Variants in CSDC2 observed in about 807,000 individuals in gnomAD.
The protein encoded by CSDC2 is cold shock domain containing C2.
A neutral mutation model predicts 15.8 loss-of-function variants in CSDC2; 8 were observed. The observed-to-expected ratio is 0.51, with a 90% CI of 0.30 to 0.92. The LOEUF (loss-of-function observed/expected upper bound fraction) is 0.92, where lower values mean the gene tolerates loss of function less well. Among genes scored for constraint, CSDC2 ranks in the 40% least tolerant of loss-of-function variants. The pLI, the probability that CSDC2 is intolerant of heterozygous loss-of-function variation, is 0.07. For synonymous variants in CSDC2, 96 were observed against 92.3 expected, an observed-to-expected ratio of 1.04 and a Z score of -0.23; for missense variants, 195 against 213.3, an observed-to-expected ratio of 0.91 and a Z score of 0.53.
intron 1 of CSDC2, among the ~76,000 whole-genome samples, chr22:41,561,815 C>T (rs1464064131): frequency 6.6e-6 from 1 of 152,226 alleles, no homozygotes; most frequent in Non-Finnish European, 1.5e-5. Flanking sequence ...TGACCTCCAC[C>T]CTTGCCAGGG....
intron 2 of CSDC2, 53 bp downstream of exon 2, chr22:41,572,194 AC>A: frequency 2.4e-6 from 3 of 1,252,976 alleles, no homozygotes; most frequent in Non-Finnish European, 3.0e-6. Context: ...ACAGGGGCTG[AC>A]CATCCCCATC....
At position 41,575,215 on chromosome 22, in the gene CSDC2, C is replaced by T. The variant is rs1395989209; in HGVS notation, c.*320C>T. On this transcript the variant is annotated 3_prime_UTR_variant, in exon 4 of 4. Coordinates refer to ENST00000306149, the MANE Select transcript of CSDC2 (RefSeq NM_014460.4). ...GCTCGCCCTCCTGCTTACCCGTCCC[C>T]ACGGTGACTGAGCTGCGAGAGCCTG... 5 of 409,990 alleles carry T rather than the reference C, an allele frequency of 1.2e-5. No homozygotes were observed. Among genetic ancestry groups the T allele is most frequent in the South Asian group, 5.7e-5 (2 of 35,082 alleles). The allele number at this position is 409,990 out of a possible 1,614,324, so 25.4% of individuals were successfully genotyped here.
rs982985030 is a variant in CSDC2 at position 41,571,920 on chromosome 22, G to A, written c.-46G>A. ...CGCAAGGACGACCAAACCCCTCACC[G>A]GCCCCTGGGCCCCAGAGCCCACCAG... On this transcript the variant is annotated 5_prime_UTR_variant, in exon 2 of 4. Coordinates refer to ENST00000306149, the MANE Select transcript of CSDC2 (RefSeq NM_014460.4). 1.0e-5 allele frequency: 13 copies of A among 1,255,382 alleles called. No individual in the cohort carries two copies. The highest frequency in any genetic ancestry group is 1.3e-5 in the Non-Finnish European group (13 of 978,066). The allele number at this position is 1,255,382 out of a possible 1,614,324, so 77.8% of individuals were successfully genotyped here. A position where few individuals can be genotyped will look rare whatever the true frequency, so the allele number is the denominator to read the frequency against.
chr22:41,571,178 C>T (rs575018175), intron 1 of CSDC2, among the ~76,000 whole-genome samples: 1 of 151,786 alleles, frequency 6.6e-6, no homozygotes, highest in Non-Finnish European at 1.5e-5. Flanking sequence ...CATGGTGAGA[C>T]CCCATCTCTA....
At chr22:41,568,659 G>A (rs1164373567) in intron 1 of CSDC2, among the ~76,000 whole-genome samples, 1 of 152,226 alleles carries the variant, frequency 6.6e-6, no homozygotes, top group Admixed American at 6.5e-5. Context: ...GGAGAAGCCT[G>A]TTCTCTCTGC....
intron 1 of CSDC2, among the ~76,000 whole-genome samples, chr22:41,562,900 G>A (rs1220450187): frequency 1.3e-5 from 2 of 152,168 alleles, no homozygotes; most frequent in East Asian, 3.9e-4. Context: ...CTGTATGTAT[G>A]TATGACTTTG....
intron 2 of CSDC2, 105 bp downstream of exon 2, chr22:41,572,246 T>C (rs1388930235): frequency 2.0e-6 from 2 of 985,274 alleles, no homozygotes; most frequent in African/African-American, 3.4e-5. Flanking sequence ...ACAGGGGAAC[T>C]GTGTGTGGAC....
At chr22:41,565,343 A>G (rs888943476) in intron 1 of CSDC2, among the ~76,000 whole-genome samples, 2 of 143,398 alleles carry the variant, frequency 1.4e-5, no homozygotes, top group Admixed American at 1.4e-4. Flanking sequence ...CCAGCTACTC[A>G]GGAGGCTAAG....
intron 1 of CSDC2, among the ~76,000 whole-genome samples, chr22:41,563,810 G>T (rs555741180): frequency 4.6e-5 from 7 of 151,952 alleles, no homozygotes; most frequent in Non-Finnish European, 8.8e-5. Context: ...AGTGGCTCAT[G>T]CCTGTAATCC....
At position 41,572,315 on chromosome 22, in the gene CSDC2, C is replaced by CCCATCCATCCATCCATCCATCCAT. The variant is rs768020765; in HGVS notation, c.176+182_176+205dup. Among the ~76,000 whole-genome samples the CCCATCCATCCATCCATCCATCCAT allele has an allele frequency of 1.7e-5, 2 of 120,222 alleles. 1 individual carries two copies. Among genetic ancestry groups the CCCATCCATCCATCCATCCATCCAT allele is most frequent in the Non-Finnish European group, 3.4e-5 (2 of 58,012 alleles). The allele number at this position is 120,222 out of a possible 152,430, so 78.9% of individuals were successfully genotyped here. Reference sequence around the variant, plus strand: ...ATCCATTCATCCATCCACCCATCCACCCATCCATCCATCCATCCATCCATC... The same window carrying CCCATCCATCCATCCATCCATCCAT: ...ATCCATTCATCCATCCACCCATCCACCCATCCATCCATCCATCCATCCATCCATCCATCCATCCATCCATCCATC... On this transcript the variant is annotated intron_variant, in intron 2 of 3. Coordinates refer to ENST00000306149, the MANE Select transcript of CSDC2 (RefSeq NM_014460.4).
intron 1 of CSDC2, among the ~76,000 whole-genome samples, chr22:41,562,259 T>A (rs2067090342): frequency 1.3e-5 from 2 of 152,048 alleles, no homozygotes; most frequent in South Asian, 4.2e-4. Flanking sequence ...TTCCCAAACC[T>A]GACTCCATCC....
intron 1 of CSDC2, among the ~76,000 whole-genome samples, chr22:41,571,447 A>C (rs1337273558): frequency 6.6e-6 from 1 of 151,950 alleles, no homozygotes; most frequent in East Asian, 1.9e-4. Context: ...TGGAGCCCAT[A>C]CTCCCACCTG....
rs1208764810 is a variant in CSDC2, at chr22:41,564,063, G to A, written c.-124+2880G>A. On this transcript the variant is annotated intron_variant, in intron 1 of 3. Transcript: ENST00000306149. ...CGCACCACTGCACTCCAGCCTGGGC[G>A]ACACAGCAAGACTCCATCTCAATTA... 1.1e-4 allele frequency among the ~76,000 whole-genome samples: 16 copies of A among 144,654 alleles called. No individual in the cohort carries two copies. The Admixed American group carries it at 1.1e-3, about 10-fold the overall frequency. The allele number at this position is 144,654 out of a possible 152,430, so 94.9% of individuals were successfully genotyped here.
rs1456651851 is a variant in CSDC2, at chr22:41,561,149, G to T, written c.-158G>T. 1 of 153,330 alleles carries T rather than the reference G, an allele frequency of 6.5e-6. No individual in the cohort carries two copies. The highest frequency in any genetic ancestry group is 2.4e-5 in the African/African-American group (1 of 41,462). 9.5% of individuals were successfully genotyped at this position (153,330 alleles called of 1,614,324 possible). A position where few individuals can be genotyped will look rare whatever the true frequency, so the allele number is the denominator to read the frequency against. Reference sequence around the variant, plus strand: ...AGAGAGACAGAGCGCGGACGCCGCAGGAGGCAGTGCCTGGACCCCAGCTGC... The same window carrying T: ...AGAGAGACAGAGCGCGGACGCCGCATGAGGCAGTGCCTGGACCCCAGCTGC... On this transcript the variant is annotated 5_prime_UTR_variant, in exon 1 of 4. The change creates a new upstream start codon in the 5' untranslated region. Coordinates refer to ENST00000306149, the MANE Select transcript of CSDC2 (RefSeq NM_014460.4).
intron 3 of CSDC2, among the ~76,000 whole-genome samples, 189 bp from the exon 4 acceptor site, chr22:41,574,544 C>A (rs965123982): frequency 1.3e-5 from 2 of 152,210 alleles, no homozygotes; most frequent in Non-Finnish European, 2.9e-5. Flanking sequence ...GGATTACAGG[C>A]GTGAGCCACT....
rs574095187 is a variant in CSDC2, at chr22:41,561,117, G to A, written c.-190G>A. ...CCCATCCCCTGCCTGCCAGCTCCAC[G>A]AGCCAGAGAGAGACAGAGCGCGGAC... On this transcript the variant is annotated 5_prime_UTR_variant, in exon 1 of 4. Coordinates refer to ENST00000306149, the MANE Select transcript of CSDC2 (RefSeq NM_014460.4). The A allele has an allele frequency of 6.5e-6, 1 of 153,620 alleles. No homozygotes were observed. The highest frequency in any genetic ancestry group is 6.6e-5 in the Admixed American group (1 of 15,240). The allele number at this position is 153,620 out of a possible 1,614,324, so 9.5% of individuals were successfully genotyped here.
chr22:41,563,093 C>G (rs1322951113), intron 1 of CSDC2, among the ~76,000 whole-genome samples: 1 of 152,150 alleles, frequency 6.6e-6, no homozygotes, highest in Non-Finnish European at 1.5e-5. Context: ...CCCAGGGCAG[C>G]CTGGGCATGT....
At chr22:41,570,311 C>T (rs1281137761) in intron 1 of CSDC2, among the ~76,000 whole-genome samples, 1 of 152,102 alleles carries the variant, frequency 6.6e-6, no homozygotes, top group Non-Finnish European at 1.5e-5. Flanking sequence ...TACTCCACCT[C>T]CACCCCTAGG....
At chr22:41,573,925 G>A (rs575445598) in intron 3 of CSDC2, 148 bp downstream of exon 3, 72 of 1,088,980 alleles carry the variant, frequency 6.6e-5, no homozygotes, top group African/African-American at 1.6e-4. Context: ...CTGAGGGTGC[G>A]TTGGGAGAGG....
Sources: allele counts gnomAD v4.1 joint callset (sites outside exome capture counted in the v4.1 genomes callset), GRCh38; gene constraint gnomAD v4.1.1; transcripts MANE v1.5; gene names NCBI Gene and HGNC (gene_info 2026-07-23, HGNC 2026-07-21).